Variants in COLEC12 observed in about 807,000 individuals in gnomAD.
COLEC12 encodes the protein collectin subfamily member 12, also known as collectin-12.
A neutral mutation model predicts 71.1 loss-of-function variants in COLEC12; 33 were observed. The ratio of observed to expected loss-of-function variants is 0.46; its 90% CI spans 0.35 to 0.62. COLEC12 has a LOEUF of 0.62. Ranked by LOEUF, COLEC12 falls within the 20% of genes least tolerant of loss-of-function variation. COLEC12 has a pLI of 0.00. For synonymous variants in COLEC12, 350 were observed against 353.0 expected (o/e 0.99, Z 0.10); for missense variants, 765 against 916.1 (o/e 0.84, Z 2.13).
Position 331,740 on chromosome 18 carries a change from T to G in COLEC12, c.1991A>C (p.His664Pro). Reference protein sequence around the residue: ...IKKQMVGRESHWIGLTDSERE... With the variant: ...IKKQMVGRESPWIGLTDSERE... ...CTCTGAGTCTGTGAGGCCGATCCAG[T>G]GGCTCTCTCTCCCTACCATCTGTTT... Residue 664 changes from histidine to proline, a missense_variant, in exon 8 of 10, where the codon CAC becomes CCC. Physicochemically the swap from His to Pro is moderately conservative, Grantham distance 77 (BLOSUM62 -2). Transcript: ENST00000400256. 1 of 1,614,014 alleles carries G rather than the reference T, an allele frequency of 6.2e-7. No homozygotes were observed. Among genetic ancestry groups the G allele is most frequent in the Non-Finnish European group, 8.5e-7 (1 of 1,179,832 alleles).
chr18:346,660 G>T lies in COLEC12; in HGVS notation c.962C>A (p.Ala321Glu). Residue 321 changes from alanine (A) to glutamate (E), a missense_variant, in exon 5 of 10, where the codon GCA becomes GAA. Physicochemically the swap from Ala to Glu is moderately radical, Grantham distance 107. Transcript: ENST00000400256. This position sits in a 1 kb window ranked among gnomAD's most constrained non-coding sequence, Gnocchi z 4.0. ...GAACTTGATGGCTGTTCTATTCTCT[G>T]CATCTTTGTGTAAGTCCTGCAGGTC... Reference protein sequence around the residue: ...LKDLQDLHKDAENRTAIKFNQ... With the variant: ...LKDLQDLHKDEENRTAIKFNQ... 1 of 1,614,182 alleles carries T rather than the reference G, an allele frequency of 6.2e-7. No homozygotes were observed.
chr18:445,834 G>A (rs1006966947), intron 2 of COLEC12, among the ~76,000 whole-genome samples: 1 of 152,012 alleles, frequency 6.6e-6, no homozygotes, highest in African/African-American at 2.4e-5. Flanking sequence ...GTTTCACCAT[G>A]TTGCCCAGGC....
At chr18:339,519 T>G (rs1977930) in intron 5 of COLEC12, among the ~76,000 whole-genome samples, 17,044 of 152,260 alleles carry the variant, frequency 0.11, 1,102 homozygotes, top group Admixed American at 0.16. Flanking sequence ...CAGTTCTACT[T>G]GTGATTGACT....
intron 1 of COLEC12, among the ~76,000 whole-genome samples, chr18:498,363 C>CTTTT (rs542727500): frequency 8.9e-5 from 9 of 100,732 alleles, no homozygotes; most frequent in South Asian, 3.2e-4. Context: ...TATTTTTTTT[C>CTTTT]TTTTTTTTTT....
intron 2 of COLEC12, among the ~76,000 whole-genome samples, chr18:360,794 A>T (rs1022582622): frequency 3.3e-5 from 5 of 152,178 alleles, no homozygotes; most frequent in African/African-American, 9.6e-5. Context: ...GAAGCTTGTA[A>T]AATTAGACTC....
At chr18:469,000 C>T (rs1024471324) in intron 2 of COLEC12, among the ~76,000 whole-genome samples, 2 of 152,262 alleles carry the variant, frequency 1.3e-5, no homozygotes, top group Non-Finnish European at 2.9e-5. Flanking sequence ...AGTTTAGTAA[C>T]AGCTGTGGCC....
intron 2 of COLEC12, among the ~76,000 whole-genome samples, chr18:476,643 A>G (rs4797177): frequency 0.046 from 7,079 of 152,344 alleles, 236 homozygotes; most frequent in Admixed American, 0.12. Context: ...CAGGCCATGC[A>G]GGTGGTGCTG....
intron 1 of COLEC12, among the ~76,000 whole-genome samples, chr18:494,851 C>T (rs1917680796): frequency 6.6e-6 from 1 of 152,116 alleles, no homozygotes; most frequent in South Asian, 2.1e-4. Flanking sequence ...GTGAATAATA[C>T]CTCACGTGAT....
intron 2 of COLEC12, among the ~76,000 whole-genome samples, chr18:427,552 G>A (rs1336282768): frequency 3.3e-5 from 5 of 151,950 alleles, no homozygotes; most frequent in Non-Finnish European, 7.4e-5. Flanking sequence ...CCTAGACGGT[G>A]GTTCAGAGAT....
chr18:369,027 G>A (rs1450799976), intron 2 of COLEC12, among the ~76,000 whole-genome samples: 1 of 152,114 alleles, frequency 6.6e-6, no homozygotes, highest in Non-Finnish European at 1.5e-5. Flanking sequence ...ACTTTATATT[G>A]GTAGCATGAA....
intron 2 of COLEC12, among the ~76,000 whole-genome samples, chr18:468,518 T>C (rs1917131689): frequency 6.6e-6 from 1 of 152,094 alleles, no homozygotes; most frequent in African/African-American, 2.4e-5. Context: ...TCAGAAGTCT[T>C]TAAATAGCCA....
At chr18:351,185 T>C (rs1200743845) in intron 3 of COLEC12, among the ~76,000 whole-genome samples, 2 of 152,108 alleles carry the variant, frequency 1.3e-5, no homozygotes, top group African/African-American at 4.8e-5. Context: ...AAGCTCACTG[T>C]TTTCCCTCAA....
At chr18:350,715 C>G (rs755509471) in intron 3 of COLEC12, among the ~76,000 whole-genome samples, 2 of 152,076 alleles carry the variant, frequency 1.3e-5, no homozygotes, top group East Asian at 1.9e-4. Context: ...ATCATTTGAG[C>G]TCAGGAGTTC....
At chr18:442,004 C>CACACACAG (rs1916549303) in intron 2 of COLEC12, among the ~76,000 whole-genome samples, 1 of 16,236 alleles carries the variant, frequency 6.2e-5, no homozygotes, top group African/African-American at 5.7e-4. Flanking sequence ...TCTCTCTCTA[C>CACACACAG]ACACACACAC....
intron 2 of COLEC12, among the ~76,000 whole-genome samples, chr18:377,543 G>C (rs999582144): frequency 6.6e-6 from 1 of 152,160 alleles, no homozygotes; most frequent in Admixed American, 6.5e-5. Context: ...TTATTCTTCG[G>C]CCTCCAAGTA....
At chr18:476,585 CCCCG>C (rs1917309536) in intron 2 of COLEC12, among the ~76,000 whole-genome samples, 2 of 151,070 alleles carry the variant, frequency 1.3e-5, no homozygotes, top group South Asian at 4.3e-4. Context: ...AGTCTAGCGC[CCCCG>C]CCCCAGTGCA....
chr18:338,442 T>A (rs973667068), intron 5 of COLEC12, among the ~76,000 whole-genome samples: 1 of 152,222 alleles, frequency 6.6e-6, no homozygotes, highest in Admixed American at 6.5e-5. Context: ...GTGCCCCGCA[T>A]CTTATAATCT....
intron 3 of COLEC12, among the ~76,000 whole-genome samples, chr18:350,909 G>C (rs12458581): frequency 1.4e-5 from 2 of 147,652 alleles, no homozygotes; most frequent in African/African-American, 5.0e-5. Context: ...GCAGTGAGCC[G>C]AGATCACGCC....
At chr18:401,952 T>C (rs1476489696) in intron 2 of COLEC12, among the ~76,000 whole-genome samples, 1 of 152,178 alleles carries the variant, frequency 6.6e-6, no homozygotes. Flanking sequence ...GGGCCTCCAC[T>C]TTAAGACAGC....
Sources: allele counts gnomAD v4.1 joint callset (sites outside exome capture counted in the v4.1 genomes callset), GRCh38; gene constraint gnomAD v4.1.1; non-coding constraint Gnocchi (gnomAD v3.1); transcripts MANE v1.5; gene names NCBI Gene and HGNC (gene_info 2026-07-23, HGNC 2026-07-21).